Variants in DIAPH1 observed in about 807,000 individuals in gnomAD.
DIAPH1 encodes diaphanous related formin 1.
Under a neutral mutation model 140.7 loss-of-function variants are expected in DIAPH1, and 46 were observed. The observed-to-expected ratio is 0.33, with a 90% CI of 0.26 to 0.42. The LOEUF is 0.42. Ranked by LOEUF, DIAPH1 falls within the 10% of genes least tolerant of loss-of-function variation. The pLI, the probability that DIAPH1 is intolerant of heterozygous loss-of-function variation, is 1.00. For synonymous variants in DIAPH1, 565 were observed against 551.6 expected, an observed-to-expected ratio of 1.02 and a Z score of -0.34; for missense variants, 1,310 against 1,558.7, an observed-to-expected ratio of 0.84 and a Z score of 2.69.
Position 141,554,619 on chromosome 5 carries a change from G to C in DIAPH1, c.2482+16809C>G, listed in dbSNP as rs563629221. The stretch of plus-strand genomic sequence containing the variant: ...AAAGAACAGTATCAAAAAAATCATA[G>C]GTACTTTCACTCATAAACACAGGCA... On this transcript the variant is annotated intron_variant, in intron 18 of 27. Transcript: ENST00000389054. 6.8e-4 allele frequency among the ~76,000 whole-genome samples: 103 copies of C among 152,146 alleles called. 2 individuals carry two copies. The highest frequency in any genetic ancestry group is 3.9e-3 in the South Asian group (19 of 4,824).
intron 18 of DIAPH1, among the ~76,000 whole-genome samples, chr5:141,568,017 A>C (rs2099894635): frequency 6.6e-6 from 1 of 152,216 alleles, no homozygotes; most frequent in Non-Finnish European, 1.5e-5. Flanking sequence ...TTCACATAAC[A>C]CACCTCTTAC....
At chr5:141,598,102 A>T (rs1405919736) in intron 1 of DIAPH1, among the ~76,000 whole-genome samples, 1 of 152,206 alleles carries the variant, frequency 6.6e-6, no homozygotes, top group African/African-American at 2.4e-5. Flanking sequence ...CAGAATCTGA[A>T]GCTGGGCTAT....
chr5:141,553,110 G>GA (rs1378815819), intron 18 of DIAPH1, among the ~76,000 whole-genome samples: 1 of 151,878 alleles, frequency 6.6e-6, no homozygotes, highest in Non-Finnish European at 1.5e-5. Flanking sequence ...CCAACACGGT[G>GA]AAAAAACCCT....
intron 19 of DIAPH1, among the ~76,000 whole-genome samples, chr5:141,530,714 A>G (rs2099888086): frequency 6.6e-6 from 1 of 152,196 alleles, no homozygotes; most frequent in Non-Finnish European, 1.5e-5. Flanking sequence ...TTACTTGCTC[A>G]GCTTTCTCTT....
At chr5:141,522,194 G>T (rs944544101) in intron 27 of DIAPH1, among the ~76,000 whole-genome samples, 1 of 152,198 alleles carries the variant, frequency 6.6e-6, no homozygotes, top group African/African-American at 2.4e-5. Context: ...AGTGTATTTA[G>T]TGGACCCAGA....
intron 18 of DIAPH1, among the ~76,000 whole-genome samples, chr5:141,556,588 T>C (rs916239534): frequency 6.6e-6 from 1 of 152,212 alleles, no homozygotes; most frequent in African/African-American, 2.4e-5. Flanking sequence ...TGGTCACCAA[T>C]AGCCTCTGTG....
intron 15 of DIAPH1, among the ~76,000 whole-genome samples, chr5:141,574,651 C>A (rs559171936): frequency 3.3e-5 from 5 of 152,126 alleles, no homozygotes; most frequent in Admixed American, 3.3e-4. Context: ...ACTAAAATAA[C>A]AGGAAATTAG....
intron 3 of DIAPH1, among the ~76,000 whole-genome samples, chr5:141,584,828 T>C (rs1427891663): frequency 6.6e-6 from 1 of 152,238 alleles, no homozygotes; most frequent in African/African-American, 2.4e-5. Context: ...AGTACCTTGG[T>C]GTGCACAAAT....
At chr5:141,616,426 C>G (rs908740088) in intron 1 of DIAPH1, among the ~76,000 whole-genome samples, 2 of 152,202 alleles carry the variant, frequency 1.3e-5, no homozygotes, top group African/African-American at 4.8e-5. Flanking sequence ...AGGACACATA[C>G]TCTAGAAAAG....
At chr5:141,598,815 G>A (rs1395645168) in intron 1 of DIAPH1, among the ~76,000 whole-genome samples, 1 of 152,302 alleles carries the variant, frequency 6.6e-6, no homozygotes, top group African/African-American at 2.4e-5. Flanking sequence ...CATAAATGAA[G>A]TTTAAAACTT....
intron 3 of DIAPH1, among the ~76,000 whole-genome samples, chr5:141,586,679 G>A (rs2099897608): frequency 1.3e-5 from 2 of 152,160 alleles, no homozygotes; most frequent in South Asian, 4.1e-4. Context: ...TTTATACAGA[G>A]TTTGTTGTGA....
At chr5:141,558,794 A>G (rs912599926) in intron 18 of DIAPH1, among the ~76,000 whole-genome samples, 2 of 152,178 alleles carry the variant, frequency 1.3e-5, no homozygotes, top group Admixed American at 6.5e-5. Context: ...ACTTGTGGGT[A>G]CAAGTCATTA....
Position 141,579,088 on chromosome 5 carries a change from C to A in DIAPH1, c.933G>T (p.Lys311Asn). Residue 311 changes from lysine to asparagine, a missense_variant and splice_region_variant, in exon 9 of 28, where the codon AAG becomes AAT. By Grantham distance (94) the Lys-to-Asn change is moderately conservative. Coordinates refer to ENST00000389054, the MANE Select transcript of DIAPH1 (RefSeq NM_005219.5). ...GCCCAGTTTCAGGGGATATACATGC[C>A]TTCAGTGCAATAGTGGTTCCACTTT... Reference protein sequence around the residue: ...GLKSGTTIALKVGCLQLINAL... With the variant: ...GLKSGTTIALNVGCLQLINAL... 1 of 1,611,174 alleles carries A rather than the reference C, an allele frequency of 6.2e-7. No homozygotes were observed. The highest frequency in any genetic ancestry group is 8.5e-7 in the Non-Finnish European group (1 of 1,177,274).
chr5:141,576,462 A>C (rs140914248), intron 13 of DIAPH1, among the ~76,000 whole-genome samples, 168 bp from the exon 14 acceptor site: 322 of 152,304 alleles, frequency 2.1e-3, no homozygotes, highest in African/African-American at 7.5e-3. Flanking sequence ...ATGTAATCTG[A>C]GTGTGCGGTA....
chr5:141,583,095 A>G, intron 6 of DIAPH1, 111 bp downstream of exon 6: 1 of 948,786 alleles, frequency 1.1e-6, no homozygotes. Flanking sequence ...CTAACAGTAC[A>G]TTCCCCTAGC....
intron 1 of DIAPH1, 68 bp downstream of exon 1, chr5:141,618,730 G>A (rs1596421553): frequency 8.4e-7 from 1 of 1,193,190 alleles, no homozygotes; most frequent in South Asian, 1.3e-5. Context: ...GGCGCCCCAG[G>A]GGCCGGCTGC....
At chr5:141,561,833 G>A (rs2099893591) in intron 18 of DIAPH1, 1 of 152,314 alleles carries the variant, frequency 6.6e-6, no homozygotes, top group East Asian at 1.9e-4. Flanking sequence ...ACATGGAACA[G>A]TTACAGGACA....
chr5:141,615,890 G>A (rs1443111783), intron 1 of DIAPH1, among the ~76,000 whole-genome samples: 4 of 152,106 alleles, frequency 2.6e-5, no homozygotes, highest in African/African-American at 7.2e-5. Context: ...CTAACATCCC[G>A]GTTCTACTTA....
intron 17 of DIAPH1, 35 bp from the exon 18 acceptor site, chr5:141,571,471 C>G: frequency 6.3e-7 from 1 of 1,596,506 alleles, no homozygotes; most frequent in Non-Finnish European, 8.6e-7. Flanking sequence ...GAGAAGGCAT[C>G]CAATATTGGA....
Sources: gnomAD v4.1 joint callset for allele counts (sites outside exome capture counted in the v4.1 genomes callset) on GRCh38, gnomAD v4.1.1 for gene constraint, MANE v1.5 for transcripts, NCBI Gene and HGNC (gene_info 2026-07-23, HGNC 2026-07-21) for gene names.